TENM2: variants seen among roughly 807,000 people sequenced by gnomAD.
The protein encoded by TENM2 is teneurin transmembrane protein 2.
A neutral mutation model predicts 245.2 loss-of-function variants in TENM2; 52 were observed. That is an observed-to-expected ratio of 0.21 (90% confidence interval 0.17 to 0.27). TENM2 has a LOEUF of 0.27. TENM2 is among the 10% of genes least tolerant of loss of function. The pLI, the probability that TENM2 is intolerant of heterozygous loss-of-function variation, is 1.00. For missense variants in TENM2, 3,046 were observed against 3,666.8 expected (o/e 0.83, Z 4.37); for synonymous variants, 1,363 against 1,438.9 (o/e 0.95, Z 1.19).
rs535506003 is a variant in TENM2, at chr5:167,827,847, C to T, written c.503-48139C>T. Among the ~76,000 whole-genome samples, 5 of 152,140 alleles carry T rather than the reference C, an allele frequency of 3.3e-5. No homozygotes were observed. In the South Asian group the frequency reaches 1.0e-3, roughly 32 times the overall value. ...CATAGCAAAACTCTCCACCTTTTTC[C>T]CTTTGAACTTACCATGGAATCCCTC... On this transcript the variant is annotated intron_variant, in intron 2 of 28. Transcript: ENST00000518659.
chr5:167,137,159 C>T, the TENM2 span, among the ~76,000 whole-genome samples: 1 of 152,130 alleles, frequency 6.6e-6, no homozygotes, highest in East Asian at 1.9e-4. Context: ...CTCTAATCCT[C>T]ATTTCTTCCC....
At chr5:167,006,671 C>A in the TENM2 span, among the ~76,000 whole-genome samples, 1 of 145,048 alleles carries the variant, frequency 6.9e-6, no homozygotes, top group Non-Finnish European at 1.5e-5. Flanking sequence ...TTTCTTTTTT[C>A]TTTTTCTTTT....
chr5:167,466,990 C>CCATA (rs1766700924), intron 2 of TENM2, among the ~76,000 whole-genome samples: 1 of 152,108 alleles, frequency 6.6e-6, no homozygotes, highest in Non-Finnish European at 1.5e-5. Context: ...ATAAGTTGCC[C>CCATA]AGCCAAATTG....
chr5:167,686,408 C>T (rs1044942340), intron 2 of TENM2, among the ~76,000 whole-genome samples: 4 of 152,182 alleles, frequency 2.6e-5, no homozygotes, highest in African/African-American at 9.6e-5. Context: ...AGAGTCATTT[C>T]TTCTCAGGCA....
At chr5:168,214,743 G>A in intron 20 of TENM2, 1 of 500,424 alleles carries the variant, frequency 2.0e-6, no homozygotes, top group South Asian at 1.6e-5. Context: ...TAACTATCCT[G>A]CTTACAAAAA....
intron 2 of TENM2, among the ~76,000 whole-genome samples, chr5:167,810,239 C>A (rs1331023461): frequency 6.6e-6 from 1 of 152,018 alleles, no homozygotes; most frequent in African/African-American, 2.4e-5. Context: ...AGAAGACTTC[C>A]TTTTTTTCCT....
intron 12 of TENM2, among the ~76,000 whole-genome samples, chr5:168,158,827 G>GTATATATA (rs1321504794): frequency 1.4e-5 from 1 of 69,466 alleles, no homozygotes; most frequent in African/African-American, 5.8e-5. Flanking sequence ...GTGTGTGTGT[G>GTATATATA]TGTATATATA....
chr5:167,522,129 C>CT (rs1770794071), intron 2 of TENM2, among the ~76,000 whole-genome samples: 1 of 152,134 alleles, frequency 6.6e-6, no homozygotes, highest in Non-Finnish European at 1.5e-5. Context: ...TATCCCTACT[C>CT]TTTAATGTAT....
At chr5:167,160,804 T>C in the TENM2 span, among the ~76,000 whole-genome samples, 1 of 152,248 alleles carries the variant, frequency 6.6e-6, no homozygotes, top group Admixed American at 6.5e-5. Context: ...TTTACTGCAA[T>C]GTCCCTCATG....
chr5:167,907,957 A>G (rs1776237252), intron 3 of TENM2, among the ~76,000 whole-genome samples: 3 of 152,042 alleles, frequency 2.0e-5, no homozygotes, highest in African/African-American at 7.2e-5. Flanking sequence ...GTTAATAAAG[A>G]CACCATGTTT....
In TENM2 at chr5:168,247,119, C is replaced by A. The variant is rs754025552; in HGVS notation, c.6180C>A (p.Ser2060=). 8.1e-6 allele frequency: 13 copies of A among 1,613,918 alleles called. No individual in the cohort carries two copies. Among genetic ancestry groups the A allele is most frequent in the Non-Finnish European group, 1.0e-5 (12 of 1,179,888 alleles). The change falls in exon 27 of 29, where the codon TCC becomes TCA. Residue 2060 remains serine (S), a synonymous_variant. Coordinates refer to ENST00000518659, the Ensembl canonical transcript of TENM2. This position sits in a 1 kb window ranked among gnomAD's most constrained non-coding sequence, Gnocchi z 7.8. ...TCAACCTCCAAAGTGGGGGCTTCTC[C>A]TGCACCATCAGGTACCGGAAGATTG...
At chr5:167,866,268 G>A (rs552854316) in intron 2 of TENM2, among the ~76,000 whole-genome samples, 2 of 152,212 alleles carry the variant, frequency 1.3e-5, no homozygotes, top group Admixed American at 6.5e-5. Flanking sequence ...GGAGACCGAG[G>A]CAGGCGGCTC....
At chr5:166,987,815 A>G in the TENM2 span, among the ~76,000 whole-genome samples, 1 of 152,200 alleles carries the variant, frequency 6.6e-6, no homozygotes, top group Non-Finnish European at 1.5e-5. Flanking sequence ...TATTTCAAGA[A>G]GGGGTTTTGG....
chr5:167,577,501 G>T (rs1774786081), intron 2 of TENM2, among the ~76,000 whole-genome samples: 1 of 152,140 alleles, frequency 6.6e-6, no homozygotes, highest in Admixed American at 6.5e-5. Flanking sequence ...GAAGGCATAA[G>T]TGTCAGCTAC....
intron 2 of TENM2, among the ~76,000 whole-genome samples, chr5:167,869,825 G>A (rs1011858647): frequency 7.3e-5 from 11 of 151,492 alleles, no homozygotes; most frequent in African/African-American, 2.7e-4. Flanking sequence ...TTAATGGCAA[G>A]GAGAACCACG....
the TENM2 span, among the ~76,000 whole-genome samples, chr5:167,263,064 C>A: frequency 1.3e-5 from 2 of 152,116 alleles, no homozygotes; most frequent in African/African-American, 4.8e-5. Flanking sequence ...CCAGAGGTCC[C>A]ACCTCTTAAT....
At chr5:167,438,997 T>A (rs1416219271) in intron 2 of TENM2, among the ~76,000 whole-genome samples, 1 of 151,876 alleles carries the variant, frequency 6.6e-6, no homozygotes, top group African/African-American at 2.4e-5. Flanking sequence ...TTTCACTATG[T>A]TAGCCAGGCT....
chr5:167,861,000 C>T, intron 2 of TENM2, among the ~76,000 whole-genome samples: 1 of 128,122 alleles, frequency 7.8e-6, no homozygotes, highest in East Asian at 2.2e-4. Flanking sequence ...CATGACCCTG[C>T]CAAATCCCCC....
At chr5:167,536,580 G>A (rs889430764) in intron 2 of TENM2, among the ~76,000 whole-genome samples, 5 of 152,098 alleles carry the variant, frequency 3.3e-5, no homozygotes, top group African/African-American at 1.2e-4. Flanking sequence ...AGAACTCAAA[G>A]AGAATAGTAG....
Sources: gnomAD v4.1 joint callset for allele counts (sites outside exome capture counted in the v4.1 genomes callset) on GRCh38, gnomAD v4.1.1 for gene constraint, Gnocchi (gnomAD v3.1) non-coding constraint, MANE v1.5 for transcripts, NCBI Gene and HGNC (gene_info 2026-07-23, HGNC 2026-07-21) for gene names.